Variants in PPP1R3B observed in about 807,000 individuals in gnomAD.
PPP1R3B encodes PP1 subunit R4.
Under a neutral mutation model 14.6 loss-of-function variants are expected in PPP1R3B, and 8 were observed. That is an observed-to-expected ratio of 0.55 (90% CI 0.32 to 0.99). The LOEUF (loss-of-function observed/expected upper bound fraction) is 0.99. Ranked by LOEUF, PPP1R3B falls within the 50% of genes least tolerant of loss-of-function variation. The pLI is 0.04. For synonymous variants in PPP1R3B, 169 were observed against 142.0 expected, an observed-to-expected ratio of 1.19 and a Z score of -1.35; for missense variants, 452 against 360.1, an observed-to-expected ratio of 1.26 and a Z score of -2.07.
At chr8:9,149,324 C>A (rs1264190712) in intron 1 of PPP1R3B, among the ~76,000 whole-genome samples, 1 of 150,614 alleles carries the variant, frequency 6.6e-6, no homozygotes, top group East Asian at 2.0e-4. Flanking sequence ...CACGGTGAAA[C>A]CCCGTCTCTA....
At position 9,137,547 on chromosome 8, in the gene PPP1R3B, C is replaced by G. The variant is rs1800927051; in HGVS notation, c.*3247G>C. ...TATCTACTGATGATGAGCTATCAAA[C>G]AAGGAGAGAATACATCAGCGCAGCT... On this transcript the variant is annotated 3_prime_UTR_variant, in exon 2 of 2. Coordinates refer to ENST00000310455, the MANE Select transcript of PPP1R3B (RefSeq NM_024607.4). 1 of 152,242 alleles carries G rather than the reference C, an allele frequency of 6.6e-6. No homozygotes were observed. 9.4% of individuals were successfully genotyped at this position (152,242 alleles called of 1,614,324 possible).
At chr8:9,150,333 C>T (rs932714643) in intron 1 of PPP1R3B, among the ~76,000 whole-genome samples, 3 of 152,184 alleles carry the variant, frequency 2.0e-5, no homozygotes, top group African/African-American at 7.2e-5. Context: ...CTGACAGGCC[C>T]CAAATCTTCC....
Position 9,138,385 on chromosome 8 carries a change from A to G in PPP1R3B, c.*2409T>C, listed in dbSNP as rs995174977. ...CTGGGAGAGGTACAAAAAACAAAGC[A>G]TTAGATTTCAGGCTAAGAACAGCCA... On this transcript the variant is annotated 3_prime_UTR_variant, in exon 2 of 2. Transcript: ENST00000310455. The G allele has an allele frequency of 5.6e-4, 85 of 152,362 alleles. No homozygotes were observed. The highest frequency in any genetic ancestry group is 2.0e-3 in the African/African-American group (82 of 41,570). The allele number at this position is 152,362 out of a possible 1,614,324, so 9.4% of individuals were successfully genotyped here.
chr8:9,144,067 C>A (rs144118584), intron 1 of PPP1R3B, among the ~76,000 whole-genome samples: 1 of 151,462 alleles, frequency 6.6e-6, no homozygotes, highest in East Asian at 1.9e-4. Context: ...TTTAAAGTGG[C>A]CTATAAATAT....
Position 9,140,974 on chromosome 8 carries a change from T to G in PPP1R3B, c.678A>C (p.Arg226Ser), listed in dbSNP as rs766442350. 1.1e-5 allele frequency: 17 copies of G among 1,614,024 alleles called. No homozygotes were observed. Among genetic ancestry groups the G allele is most frequent in the Non-Finnish European group, 1.4e-5 (17 of 1,179,956 alleles). ...CNGQTYWDSN[R>S]GKNYRIIRAE... ...CCCGGATGATCCTATAGTTCTTGCCTCTGTTGCTGTCCCAGTACGTCTGTC... is the reference window on the plus strand; with the variant it reads ...CCCGGATGATCCTATAGTTCTTGCCGCTGTTGCTGTCCCAGTACGTCTGTC... The change falls in exon 2 of 2, where the codon AGA (arginine) becomes AGC (serine). Residue 226 changes from arginine (R) to serine (S), a missense_variant. By Grantham distance (110) the Arg-to-Ser change is moderately radical (BLOSUM62 -1). Transcript: ENST00000310455.
chr8:9,147,711 C>A (rs1022859935), intron 1 of PPP1R3B, among the ~76,000 whole-genome samples: 1 of 151,572 alleles, frequency 6.6e-6, no homozygotes, highest in Non-Finnish European at 1.5e-5. Flanking sequence ...CCTGAGATCC[C>A]TTTTTATCAC....
At chr8:9,149,166 C>G (rs1424095066) in intron 1 of PPP1R3B, among the ~76,000 whole-genome samples, 8 of 134,316 alleles carry the variant, frequency 6.0e-5, no homozygotes, top group African/African-American at 2.3e-4. Context: ...GCAGTCCAGC[C>G]TGGGCGACAG....
intron 1 of PPP1R3B, chr8:9,142,210 C>G (rs1285956324): frequency 6.5e-6 from 1 of 152,950 alleles, no homozygotes; most frequent in Admixed American, 6.5e-5. Flanking sequence ...GATCCTCCCA[C>G]CTCAGCCTCC....
chr8:9,142,814 C>T (rs1377888099), intron 1 of PPP1R3B, among the ~76,000 whole-genome samples: 1 of 152,178 alleles, frequency 6.6e-6, no homozygotes, highest in Non-Finnish European at 1.5e-5. Flanking sequence ...CCAGGTTCAT[C>T]CCCGTTGGCA....
intron 1 of PPP1R3B, chr8:9,145,515 CTG>C (rs1801214814): frequency 6.6e-6 from 1 of 152,128 alleles, no homozygotes; most frequent in Non-Finnish European, 1.5e-5. Context: ...TGTTAATCGA[CTG>C]TTGATGTTAT....
At chr8:9,143,307 A>G (rs1172457725) in intron 1 of PPP1R3B, among the ~76,000 whole-genome samples, 2 of 152,120 alleles carry the variant, frequency 1.3e-5, no homozygotes, top group African/African-American at 4.8e-5. Context: ...CCTATATGGC[A>G]GGCATCAAGC....
At chr8:9,148,132 C>G (rs556459157) in intron 1 of PPP1R3B, among the ~76,000 whole-genome samples, 31 of 152,274 alleles carry the variant, frequency 2.0e-4, no homozygotes, top group African/African-American at 6.3e-4. Flanking sequence ...CAGGAACTCC[C>G]CAGCGGACTG....
In PPP1R3B at chr8:9,141,062, C is replaced by G. The variant is rs1484573902; in HGVS notation, c.590G>C (p.Ser197Thr). 1.2e-6 allele frequency: 2 copies of G among 1,614,198 alleles called. No individual in the cohort carries two copies. The highest frequency in any genetic ancestry group is 1.1e-5 in the South Asian group (1 of 91,086). The change falls in exon 2 of 2, where the codon AGC (serine) becomes ACC (threonine). Residue 197 changes from serine to threonine, a missense_variant. Coordinates refer to ENST00000310455, the MANE Select transcript of PPP1R3B (RefSeq NM_024607.4). ...ATAAGACTGAATCTTCTCGGGCAAG[C>G]TGATGTCGAAGGAGAACGTGTCCCT... Reference protein sequence around the residue: ...SDRDTFSFDISLPEKIQSYER... With the variant: ...SDRDTFSFDITLPEKIQSYER...
intron 1 of PPP1R3B, chr8:9,145,102 T>G (rs1185984379): frequency 6.6e-6 from 1 of 151,028 alleles, no homozygotes; most frequent in Non-Finnish European, 1.5e-5. Context: ...AAGATTCAAA[T>G]GAAATGAAAA....
rs190668123 is a variant in PPP1R3B at position 9,144,484 on chromosome 8, T to C, written c.-17-2816A>G. Among the ~76,000 whole-genome samples, 763 of 152,272 alleles carry C rather than the reference T, an allele frequency of 5.0e-3. 3 individuals are homozygous for C. The highest frequency in any genetic ancestry group is 0.016 in the African/African-American group (660 of 41,554). On this transcript the variant is annotated intron_variant, in intron 1 of 1. Transcript: ENST00000310455. ...GCTGGGATTTATAGGTATGAGCCACTGTGCCCAGCCAATGCAAACATTTTC... is the reference window on the plus strand; with the variant it reads ...GCTGGGATTTATAGGTATGAGCCACCGTGCCCAGCCAATGCAAACATTTTC...
intron 1 of PPP1R3B, chr8:9,142,389 C>T (rs1346451735): frequency 6.6e-6 from 1 of 152,200 alleles, no homozygotes; most frequent in Non-Finnish European, 1.5e-5. Context: ...AGCCTCTCTG[C>T]CTCTCTTTAT....
rs1341737261 is a variant in PPP1R3B at position 9,137,347 on chromosome 8, C to T, written c.*3447G>A. The T allele has an allele frequency of 1.3e-5, 2 of 152,148 alleles. No individual in the cohort carries two copies. The highest frequency in any genetic ancestry group is 1.9e-4 in the East Asian group (1 of 5,198). The allele number at this position is 152,148 out of a possible 1,614,324, so 9.4% of individuals were successfully genotyped here. A position where few individuals can be genotyped will look rare whatever the true frequency, so the allele number is the denominator to read the frequency against. The stretch of plus-strand genomic sequence containing the variant: ...AAAAATGAAGTTGCTTCCCTATTGC[C>T]GGACAACTGCACCTGTGACAGGTGG... On this transcript the variant is annotated 3_prime_UTR_variant, in exon 2 of 2. Coordinates refer to ENST00000310455, the MANE Select transcript of PPP1R3B (RefSeq NM_024607.4).
At chr8:9,144,065 G>T in intron 1 of PPP1R3B, among the ~76,000 whole-genome samples, 1 of 151,272 alleles carries the variant, frequency 6.6e-6, no homozygotes, top group African/African-American at 2.4e-5. Flanking sequence ...ATTTTAAAGT[G>T]GCCTATAAAT....
upstream of PPP1R3B, chr8:9,151,428 G>A (rs1261889418): frequency 6.1e-6 from 1 of 163,138 alleles, no homozygotes; most frequent in Non-Finnish European, 1.3e-5. Context: ...CAGCTGCCGT[G>A]ACGGCAGGAG....
Sources: allele counts gnomAD v4.1 joint callset (sites outside exome capture counted in the v4.1 genomes callset), GRCh38; gene constraint gnomAD v4.1.1; transcripts MANE v1.5; gene names NCBI Gene and HGNC (gene_info 2026-07-23, HGNC 2026-07-21).